ETV6: variants seen among roughly 807,000 people sequenced by gnomAD.
ETV6 encodes ETS variant transcription factor 6, also known as transcription factor ETV6.
In ETV6, 16 loss-of-function variants were observed where a neutral mutation model predicts 51.1. The observed-to-expected ratio is 0.31, with a 90% CI of 0.21 to 0.48. The LOEUF (loss-of-function observed/expected upper bound fraction) is 0.48, where lower values mean the gene tolerates loss of function less well. Ranked by LOEUF, ETV6 falls within the 20% of genes least tolerant of loss-of-function variation. The probability of loss-of-function intolerance (pLI) is 0.99; values close to 1 mark genes in which losing one functional copy is unlikely to be tolerated. For missense variants in ETV6, 458 were observed against 594.8 expected (o/e 0.77, Z 2.39); for synonymous variants, 240 against 224.1 (o/e 1.07, Z -0.64).
chr12:11,780,604 G>C (rs1467311314), intron 2 of ETV6, among the ~76,000 whole-genome samples: 1 of 152,208 alleles, frequency 6.6e-6, no homozygotes, highest in African/African-American at 2.4e-5. Context: ...CAGCTCGGCT[G>C]CCAGTGGACA....
intron 3 of ETV6, among the ~76,000 whole-genome samples, chr12:11,846,786 A>G (rs1370460977): frequency 1.3e-5 from 2 of 152,230 alleles, no homozygotes; most frequent in African/African-American, 4.8e-5. Flanking sequence ...TAGATTTTGC[A>G]GGGCTCTGCA....
intron 1 of ETV6, among the ~76,000 whole-genome samples, chr12:11,694,380 G>A (rs1434534850): frequency 6.6e-6 from 1 of 152,202 alleles, no homozygotes; most frequent in Admixed American, 6.5e-5. Context: ...GCTTCTTATG[G>A]AATTATCTGA....
At chr12:11,890,445 A>ATAAT (rs1947269870) in intron 7 of ETV6, among the ~76,000 whole-genome samples, 1 of 150,500 alleles carries the variant, frequency 6.6e-6, no homozygotes, top group Non-Finnish European at 1.5e-5. Flanking sequence ...TTTTTTTCCA[A>ATAAT]TAATTAGGAT....
chr12:11,744,381 T>C (rs761833971), intron 1 of ETV6, among the ~76,000 whole-genome samples: 13 of 152,208 alleles, frequency 8.5e-5, no homozygotes, highest in Non-Finnish European at 1.8e-4. Context: ...TTAATTTCAG[T>C]ACCTGTTTCT....
chr12:11,889,648 G>C (rs1441981246), intron 7 of ETV6, among the ~76,000 whole-genome samples: 1 of 152,132 alleles, frequency 6.6e-6, no homozygotes, highest in Non-Finnish European at 1.5e-5. Context: ...ACATGGGAGA[G>C]CATGCGCCAT....
chr12:11,881,735 A>G lies in ETV6; in HGVS notation c.1010-2710A>G, dbSNP rs142174108. 3.5e-3 allele frequency among the ~76,000 whole-genome samples: 533 copies of G among 152,302 alleles called. 6 individuals carry two copies. Among genetic ancestry groups the G allele is most frequent in the Admixed American group, 0.022 (341 of 15,302 alleles). ...AAGATTCAGACCACAGCAGATCTCTATTTTCCCTTTATAGAGAAAGTAATT... is the reference window on the plus strand; with the variant it reads ...AAGATTCAGACCACAGCAGATCTCTGTTTTCCCTTTATAGAGAAAGTAATT... On this transcript the variant is annotated intron_variant, in intron 5 of 7. Coordinates refer to ENST00000396373, the MANE Select transcript of ETV6 (RefSeq NM_001987.5).
chr12:11,891,062 A>G lies in ETV6; in HGVS notation c.*16A>G. 1 of 1,594,492 alleles carries G rather than the reference A, an allele frequency of 6.3e-7. No individual in the cohort carries two copies. The highest frequency in any genetic ancestry group is 2.2e-5 in the East Asian group (1 of 44,752). On this transcript the variant is annotated 3_prime_UTR_variant, in exon 8 of 8. Transcript: ENST00000396373. ...TGAATGCTGAAGGAACCAACAGTCC[A>G]CCTCAGCGGGCCAGCAGCCCAGGGA...
At chr12:11,665,515 T>C (rs1463265264) in intron 1 of ETV6, among the ~76,000 whole-genome samples, 3 of 152,226 alleles carry the variant, frequency 2.0e-5, no homozygotes, top group Non-Finnish European at 4.4e-5. Context: ...AGGAGTCTGA[T>C]GGGTTCATTT....
At chr12:11,702,561 C>T (rs918434690) in intron 1 of ETV6, among the ~76,000 whole-genome samples, 2 of 151,780 alleles carry the variant, frequency 1.3e-5, no homozygotes, top group Non-Finnish European at 2.9e-5. Flanking sequence ...GAGAAGTATC[C>T]CCCCCATCCC....
Position 11,891,368 on chromosome 12 carries a change from T to C in ETV6, c.*322T>C. ...GTTAGTATCATGGTGTTTTTGTTTT[T>C]GTTTTTGTTTTAAGAACCTGCAGTT... On this transcript the variant is annotated 3_prime_UTR_variant, in exon 8 of 8. Transcript: ENST00000396373. The C allele has an allele frequency of 5.8e-6, 2 of 344,358 alleles. No homozygotes were observed. Among genetic ancestry groups the C allele is most frequent in the South Asian group, 4.3e-5 (1 of 23,442 alleles). 21.3% of individuals were successfully genotyped at this position (344,358 alleles called of 1,614,324 possible).
intron 2 of ETV6, among the ~76,000 whole-genome samples, chr12:11,831,091 A>G (rs73277157): frequency 1.3e-3 from 204 of 152,332 alleles, no homozygotes; most frequent in African/African-American, 4.7e-3. Context: ...TATCAACTGC[A>G]TATGACCCTT....
intron 1 of ETV6, among the ~76,000 whole-genome samples, chr12:11,693,595 G>A (rs1427473940): frequency 6.6e-6 from 1 of 152,102 alleles, no homozygotes; most frequent in Non-Finnish European, 1.5e-5. Flanking sequence ...ACTCAGGAAC[G>A]GCCTGTGGTC....
intron 1 of ETV6, among the ~76,000 whole-genome samples, chr12:11,732,495 A>C (rs1260891604): frequency 6.6e-6 from 1 of 152,240 alleles, no homozygotes; most frequent in Non-Finnish European, 1.5e-5. Flanking sequence ...CATCTCCTTT[A>C]GTAAGCTCTA....
chr12:11,821,486 A>C (rs1946080119), intron 2 of ETV6, among the ~76,000 whole-genome samples: 1 of 152,108 alleles, frequency 6.6e-6, no homozygotes, highest in Non-Finnish European at 1.5e-5. Context: ...GATTTAGATG[A>C]GTGACATCTG....
chr12:11,892,465 G>A lies in ETV6; in HGVS notation c.*1419G>A, dbSNP rs1302503651. On this transcript the variant is annotated 3_prime_UTR_variant, in exon 8 of 8. Coordinates refer to ENST00000396373, the MANE Select transcript of ETV6 (RefSeq NM_001987.5). ...ATCGATGGTATCTTGTAAAATGAGG[G>A]TAGTGCCACTTCTTAGTATTTTTGA... is the stretch of plus-strand genomic sequence containing the variant. 1.3e-5 allele frequency: 3 copies of A among 231,800 alleles called. No homozygotes were observed. The highest frequency in any genetic ancestry group is 2.2e-5 in the African/African-American group (1 of 44,924). The allele number at this position is 231,800 out of a possible 1,614,324, so 14.4% of individuals were successfully genotyped here.
At position 11,680,070 on chromosome 12, in the gene ETV6, C is replaced by A. The variant is rs545570439; in HGVS notation, c.33+29910C>A. On this transcript the variant is annotated intron_variant, in intron 1 of 7. Transcript: ENST00000396373. ...AGTTGAGACATCCAGCTTGATAGTT[C>A]TCTGGCTATAAGGGCATTTTGACCT... Among the ~76,000 whole-genome samples the A allele has an allele frequency of 2.4e-4, 36 of 152,260 alleles. No homozygotes were observed. The South Asian group carries it at 7.3e-3, about 31-fold the overall frequency.
At chr12:11,729,390 A>G (rs1310083074) in intron 1 of ETV6, among the ~76,000 whole-genome samples, 1 of 152,200 alleles carries the variant, frequency 6.6e-6, no homozygotes, top group East Asian at 1.9e-4. Context: ...GAAGCCCCTT[A>G]GAACTGCCAG....
At chr12:11,840,558 C>G in intron 3 of ETV6, 1 of 454,998 alleles carries the variant, frequency 2.2e-6, no homozygotes, top group Admixed American at 2.4e-5. Context: ...TCCTGGAGAC[C>G]TGCCAGAAGT....
intron 1 of ETV6, 102 bp downstream of exon 1, chr12:11,650,262 G>A: frequency 1.9e-6 from 2 of 1,026,954 alleles, no homozygotes; most frequent in Non-Finnish European, 3.1e-6. Flanking sequence ...CAGTTGCTCT[G>A]TTCGCAGGAA....
Sources: allele counts gnomAD v4.1 joint callset (sites outside exome capture counted in the v4.1 genomes callset), GRCh38; gene constraint gnomAD v4.1.1; transcripts MANE v1.5; gene names NCBI Gene and HGNC (gene_info 2026-07-23, HGNC 2026-07-21).